The following MAML3 variants were observed in gnomAD, a reference collection of about 807,000 sequenced individuals.
MAML3 encodes the protein mastermind-like protein 3.
Under a neutral mutation model 101.9 loss-of-function variants are expected in MAML3, and 27 were observed. The observed-to-expected ratio is 0.27, with a 90% CI of 0.20 to 0.37. The LOEUF (loss-of-function observed/expected upper bound fraction) is 0.37, where lower values mean the gene tolerates loss of function less well. Among genes scored for constraint, MAML3 ranks in the 10% least tolerant of loss-of-function variants. MAML3 has a pLI of 1.00. For synonymous variants in MAML3, 501 were observed against 555.9 expected (o/e 0.90, Z 1.39); for missense variants, 1,316 against 1,444.9 (o/e 0.91, Z 1.45).
At chr4:139,845,553 C>T (rs1578628226) in intron 2 of MAML3, among the ~76,000 whole-genome samples, 1 of 152,188 alleles carries the variant, frequency 6.6e-6, no homozygotes, top group East Asian at 1.9e-4. Flanking sequence ...TAAGATCTCA[C>T]ACGGTAAATG....
chr4:140,091,537 C>CAAAA lies in MAML3; in HGVS notation c.468+61319_468+61322dup, dbSNP rs570700966. Among the ~76,000 whole-genome samples the CAAAA allele has an allele frequency of 6.0e-3, 430 of 71,360 alleles. 25 individuals carry two copies. Among genetic ancestry groups the CAAAA allele is most frequent in the Admixed American group, 0.026 (147 of 5,678 alleles). 46.8% of individuals were successfully genotyped at this position (71,360 alleles called of 152,430 possible). Reference sequence around the variant, plus strand: ...TGTAAAACAAAACAAAACAACAAAACAAAAACAAAACAAAAAAAAAAAACA... The same window carrying CAAAA: ...TGTAAAACAAAACAAAACAACAAAACAAAAAAAAACAAAACAAAAAAAAAAAACA... On this transcript the variant is annotated intron_variant, in intron 1 of 4. Coordinates refer to ENST00000509479, the MANE Select transcript of MAML3 (RefSeq NM_018717.5).
rs1161874483 is a variant in MAML3, at chr4:139,867,009, G to T, written c.2079+22348C>A. 4.6e-5 allele frequency among the ~76,000 whole-genome samples: 7 copies of T among 152,186 alleles called. No homozygotes were observed. In the East Asian group the frequency reaches 1.3e-3, roughly 29 times the overall value. On this transcript the variant is annotated intron_variant, in intron 2 of 4. Coordinates refer to ENST00000509479, the MANE Select transcript of MAML3 (RefSeq NM_018717.5). Reference sequence around the variant, plus strand: ...CTTATTAGGCACATAATGGGCATTTGATAAATATGTTTTGTTAAAAGAGGC... The same window carrying T: ...CTTATTAGGCACATAATGGGCATTTTATAAATATGTTTTGTTAAAAGAGGC...
intron 1 of MAML3, among the ~76,000 whole-genome samples, chr4:140,008,746 T>C (rs1726498715): frequency 6.6e-6 from 1 of 152,192 alleles, no homozygotes; most frequent in East Asian, 1.9e-4. Flanking sequence ...TTTTTATCTG[T>C]AAACAACCTT....
At chr4:139,980,666 T>C (rs1485239346) in intron 1 of MAML3, among the ~76,000 whole-genome samples, 1 of 152,172 alleles carries the variant, frequency 6.6e-6, no homozygotes, top group Non-Finnish European at 1.5e-5. Context: ...TCAACAAATA[T>C]CCACTGAGTG....
chr4:140,065,963 C>T (rs1421066971), intron 1 of MAML3, among the ~76,000 whole-genome samples: 1 of 152,188 alleles, frequency 6.6e-6, no homozygotes, highest in African/African-American at 2.4e-5. Flanking sequence ...AAAGGATTTA[C>T]TCAAAGTTTT....
At chr4:139,921,602 A>T (rs536229607) in intron 1 of MAML3, among the ~76,000 whole-genome samples, 1 of 152,238 alleles carries the variant, frequency 6.6e-6, no homozygotes, top group South Asian at 2.1e-4. Context: ...TGAGCTCTGC[A>T]CATGTCCCTA....
intron 1 of MAML3, among the ~76,000 whole-genome samples, chr4:139,902,430 G>C (rs1732745068): frequency 6.6e-6 from 1 of 152,116 alleles, no homozygotes; most frequent in Non-Finnish European, 1.5e-5. Flanking sequence ...GACCAATTAC[G>C]GAACTGTCAT....
At chr4:140,103,378 A>G (rs1359716057) in intron 1 of MAML3, among the ~76,000 whole-genome samples, 4 of 152,172 alleles carry the variant, frequency 2.6e-5, no homozygotes, top group African/African-American at 9.7e-5. Flanking sequence ...ACTATATTGG[A>G]TTTTCCTTTT....
At chr4:139,949,484 G>A (rs1046783570) in intron 1 of MAML3, among the ~76,000 whole-genome samples, 5 of 152,066 alleles carry the variant, frequency 3.3e-5, no homozygotes, top group Non-Finnish European at 5.9e-5. Context: ...ATTATGCCAC[G>A]TACAATCTGT....
intron 1 of MAML3, among the ~76,000 whole-genome samples, chr4:139,938,143 T>C (rs1357336534): frequency 1.3e-5 from 2 of 152,182 alleles, no homozygotes; most frequent in Non-Finnish European, 2.9e-5. Flanking sequence ...AGAAAGATTT[T>C]AAAATATAAG....
chr4:139,795,361 GAATTC>G (rs532719163), intron 2 of MAML3, among the ~76,000 whole-genome samples: 274 of 152,290 alleles, frequency 1.8e-3, no homozygotes, highest in Admixed American at 3.3e-3. Flanking sequence ...AACTAAATTT[GAATTC>G]AATTGAGTGG....
At chr4:139,960,447 G>C (rs1733990719) in intron 1 of MAML3, among the ~76,000 whole-genome samples, 1 of 152,184 alleles carries the variant, frequency 6.6e-6, no homozygotes, top group South Asian at 2.1e-4. Context: ...GAGCTCCTCT[G>C]CTATACCAAG....
chr4:140,093,333 T>C lies in MAML3; in HGVS notation c.468+59527A>G, dbSNP rs543037860. 2.6e-5 allele frequency among the ~76,000 whole-genome samples: 4 copies of C among 152,062 alleles called. No individual in the cohort carries two copies. In the South Asian group the frequency reaches 8.3e-4, roughly 32 times the overall value. On this transcript the variant is annotated intron_variant, in intron 1 of 4. Transcript: ENST00000509479. ...GAAAAAAAGCTTGCCAGACCATGTG[T>C]CCAGATTTTTCAGTTCTGCAAAGAT... is the stretch of plus-strand genomic sequence containing the variant.
chr4:140,096,705 G>C (rs987977690), intron 1 of MAML3, among the ~76,000 whole-genome samples: 1 of 152,076 alleles, frequency 6.6e-6, no homozygotes, highest in African/African-American at 2.4e-5. Flanking sequence ...TAGTAGTCTT[G>C]GGATGGCTCA....
chr4:139,915,510 A>G (rs1276923405), intron 1 of MAML3, among the ~76,000 whole-genome samples: 1 of 152,176 alleles, frequency 6.6e-6, no homozygotes, highest in Non-Finnish European at 1.5e-5. Context: ...CCTAACCAGT[A>G]TTTAGTTCTG....
At chr4:139,887,136 G>A (rs535628815) in intron 2 of MAML3, among the ~76,000 whole-genome samples, 8 of 152,228 alleles carry the variant, frequency 5.3e-5, no homozygotes, top group Admixed American at 2.6e-4. Flanking sequence ...GAATGTACCC[G>A]CATATAATGT....
chr4:139,825,951 C>T (rs972484646), intron 2 of MAML3, among the ~76,000 whole-genome samples: 2 of 152,124 alleles, frequency 1.3e-5, no homozygotes, highest in Admixed American at 1.3e-4. Context: ...CATCAATCCT[C>T]ATTTGTAACC....
chr4:139,880,777 T>C (rs1327677094), intron 2 of MAML3, among the ~76,000 whole-genome samples: 1 of 152,194 alleles, frequency 6.6e-6, no homozygotes, highest in Non-Finnish European at 1.5e-5. Context: ...TTGGACAATA[T>C]TCGATATTCA....
intron 1 of MAML3, among the ~76,000 whole-genome samples, chr4:139,997,605 A>G (rs1386500134): frequency 2.6e-5 from 4 of 152,164 alleles, no homozygotes; most frequent in African/African-American, 4.8e-5. Flanking sequence ...ATAATTATAT[A>G]GTCACTTATA....
Sources: allele counts gnomAD v4.1 joint callset (sites outside exome capture counted in the v4.1 genomes callset), GRCh38; gene constraint gnomAD v4.1.1; transcripts MANE v1.5; gene names NCBI Gene and HGNC (gene_info 2026-07-23, HGNC 2026-07-21).